Variants in ARHGEF3 observed in about 807,000 individuals in gnomAD.
The protein encoded by ARHGEF3 is Rho guanine nucleotide exchange factor 3.
In ARHGEF3, 28 loss-of-function variants were observed where a neutral mutation model predicts 63.2. The observed-to-expected ratio is 0.44, with a 90% CI of 0.33 to 0.61. The LOEUF (loss-of-function observed/expected upper bound fraction) is 0.61, where lower values mean the gene tolerates loss of function less well. Among genes scored for constraint, ARHGEF3 ranks in the 20% least tolerant of loss-of-function variants. The pLI, the probability that ARHGEF3 is intolerant of heterozygous loss-of-function variation, is 0.03. For missense variants in ARHGEF3, 533 were observed against 659.3 expected (o/e 0.81, Z 2.10); for synonymous variants, 266 against 254.2 (o/e 1.05, Z -0.44).
chr3:56,768,070 T>TA (rs923247651), intron 2 of ARHGEF3, among the ~76,000 whole-genome samples: 24 of 151,792 alleles, frequency 1.6e-4, no homozygotes, highest in African/African-American at 5.8e-4. Context: ...TATATATATA[T>TA]TTTTGAGACA....
In ARHGEF3 at chr3:56,747,292, C is replaced by T. The variant is rs1056649173; in HGVS notation, c.613-1830G>A. On this transcript the variant is annotated intron_variant, in intron 6 of 9. Coordinates refer to ENST00000296315, the MANE Select transcript of ARHGEF3 (RefSeq NM_019555.3). ...GTGAGGAACCTCGACCACACTGCTG[C>T]TCACTGTCCAATGGGCCACTGCTCC... 3.3e-5 allele frequency among the ~76,000 whole-genome samples: 5 copies of T among 152,348 alleles called. 1 individual carries two copies. The highest frequency in any genetic ancestry group is 6.5e-5 in the Admixed American group (1 of 15,312).
At chr3:56,872,570 C>T (rs1447471904) in intron 4 of ARHGEF3, among the ~76,000 whole-genome samples, 1 of 146,798 alleles carries the variant, frequency 6.8e-6, no homozygotes, top group African/African-American at 2.5e-5. Flanking sequence ...AGTGCAGTGG[C>T]ACGATCTTGG....
At chr3:57,040,796 C>T (rs1325844589) in intron 1 of ARHGEF3, among the ~76,000 whole-genome samples, 1 of 152,064 alleles carries the variant, frequency 6.6e-6, no homozygotes, top group Non-Finnish European at 1.5e-5. Context: ...AAGCAGACCC[C>T]AGCTGACCTC....
In ARHGEF3 at chr3:56,728,736, T is replaced by C. The variant is rs76420931; in HGVS notation, c.*534A>G. The C allele has an allele frequency of 0.017, 2,615 of 153,260 alleles. 66 individuals carry two copies. Among genetic ancestry groups the C allele is most frequent in the African/African-American group, 0.059 (2,460 of 41,566 alleles). 9.5% of individuals were successfully genotyped at this position (153,260 alleles called of 1,614,324 possible). On this transcript the variant is annotated 3_prime_UTR_variant, in exon 10 of 10. Coordinates refer to ENST00000296315, the MANE Select transcript of ARHGEF3 (RefSeq NM_019555.3). ...ATTAAGCCTTCAGAATCCCCAGGGATGTTTTCAAGCTTTCTAGTTGAGTAA... is the reference window on the plus strand; with the variant it reads ...ATTAAGCCTTCAGAATCCCCAGGGACGTTTTCAAGCTTTCTAGTTGAGTAA...
At chr3:56,953,215 G>A (rs1187336028) in intron 3 of ARHGEF3, among the ~76,000 whole-genome samples, 1 of 152,198 alleles carries the variant, frequency 6.6e-6, no homozygotes, top group East Asian at 1.9e-4. Context: ...TACTGACCTG[G>A]CCTGGTGTGT....
chr3:56,965,306 T>C (rs760166885), intron 2 of ARHGEF3, among the ~76,000 whole-genome samples: 1 of 152,116 alleles, frequency 6.6e-6, no homozygotes, highest in African/African-American at 2.4e-5. Context: ...TTTTATGGCA[T>C]TAAATTTGAA....
intron 3 of ARHGEF3, among the ~76,000 whole-genome samples, chr3:56,910,084 G>A (rs1200761169): frequency 6.6e-6 from 1 of 152,202 alleles, no homozygotes; most frequent in Non-Finnish European, 1.5e-5. Flanking sequence ...GTTTGCCACT[G>A]AGTTTCGGGG....
At chr3:56,935,304 T>A (rs576961428) in intron 3 of ARHGEF3, among the ~76,000 whole-genome samples, 3 of 152,270 alleles carry the variant, frequency 2.0e-5, no homozygotes, top group Admixed American at 6.5e-5. Context: ...GCTCAGGGAT[T>A]GTAAACGCAC....
intron 4 of ARHGEF3, among the ~76,000 whole-genome samples, chr3:56,861,137 C>T (rs1489081553): frequency 6.6e-6 from 1 of 152,166 alleles, no homozygotes; most frequent in Non-Finnish European, 1.5e-5. Context: ...TGATAAGCAC[C>T]TCTCAGGCTT....
intron 8 of ARHGEF3, among the ~76,000 whole-genome samples, chr3:56,733,326 CGGGGCGGGGGGGGGGGGG>C: frequency 1.2e-4 from 1 of 8,310 alleles, no homozygotes; most frequent in South Asian, 1.5e-3. Context: ...GCGAGGTGGG[CGGGGCGGGGGGGGGGGGG>C]GGGCGCCTGT....
chr3:57,047,199 T>C (rs1197527656), intron 1 of ARHGEF3, among the ~76,000 whole-genome samples: 1 of 152,030 alleles, frequency 6.6e-6, no homozygotes, highest in Non-Finnish European at 1.5e-5. Flanking sequence ...ACTACAAAAA[T>C]TAGCTGGGCG....
chr3:56,967,630 AAT>A (rs1296433274), intron 2 of ARHGEF3, among the ~76,000 whole-genome samples: 4 of 88,548 alleles, frequency 4.5e-5, no homozygotes, highest in African/African-American at 9.3e-5. Context: ...TATATTATAT[AAT>A]ATATATTATA....
chr3:56,921,196 T>C (rs1482201652), intron 3 of ARHGEF3, among the ~76,000 whole-genome samples: 2 of 147,888 alleles, frequency 1.4e-5, no homozygotes, highest in Admixed American at 6.7e-5. Context: ...GAGACCCTAT[T>C]CTCCATAAAA....
intron 3 of ARHGEF3, among the ~76,000 whole-genome samples, chr3:56,923,062 ATATATATATATAT>A (rs1560053866): frequency 1.0e-4 from 3 of 29,622 alleles, no homozygotes; most frequent in East Asian, 1.8e-3. Context: ...ATATATATAT[ATATATATATATAT>A]AAATTAGTTG....
intron 4 of ARHGEF3, among the ~76,000 whole-genome samples, chr3:56,835,910 G>C (rs1380051130): frequency 6.6e-6 from 1 of 152,180 alleles, no homozygotes; most frequent in Non-Finnish European, 1.5e-5. Flanking sequence ...GTGGAAAAAG[G>C]ATTTCTCAGA....
chr3:57,035,096 G>GT lies in ARHGEF3; in HGVS notation c.53dup (p.Asn18LysfsTer6), dbSNP rs764132657. On this transcript the variant is annotated frameshift_variant, in exon 2 of 13. Coordinates refer to the ARHGEF3 transcript ENST00000338458. LOFTEE classifies it high-confidence loss of function. The stretch of plus-strand genomic sequence containing the variant: ...TATTTGATTATTTTTACCTTTCCTT[G>GT]TTTTCTTCCATTCCTCTACAGCTGC... 12 of 1,544,190 alleles carry GT rather than the reference G, an allele frequency of 7.8e-6. No homozygotes were observed. Among genetic ancestry groups the GT allele is most frequent in the Non-Finnish European group, 1.0e-5 (12 of 1,144,236 alleles).
At chr3:56,993,581 C>T (rs925648126) in intron 2 of ARHGEF3, among the ~76,000 whole-genome samples, 1 of 151,676 alleles carries the variant, frequency 6.6e-6, no homozygotes, top group Non-Finnish European at 1.5e-5. Context: ...CCCTATGTTG[C>T]CCAGGCTGAT....
At chr3:56,979,899 T>C (rs779433642) in intron 2 of ARHGEF3, among the ~76,000 whole-genome samples, 2 of 152,196 alleles carry the variant, frequency 1.3e-5, no homozygotes, top group Non-Finnish European at 2.9e-5. Context: ...TGTGCAGCTC[T>C]TATTTCTGCA....
chr3:56,983,792 C>T (rs1701422021), intron 2 of ARHGEF3, among the ~76,000 whole-genome samples: 1 of 152,148 alleles, frequency 6.6e-6, no homozygotes, highest in Non-Finnish European at 1.5e-5. Context: ...AAAATTTAGC[C>T]AGGCGTGGTG....
Sources: gnomAD v4.1 joint callset for allele counts (sites outside exome capture counted in the v4.1 genomes callset) on GRCh38, gnomAD v4.1.1 for gene constraint, MANE v1.5 for transcripts, NCBI Gene and HGNC (gene_info 2026-07-23, HGNC 2026-07-21) for gene names.